The following SH3GL2 variants were observed in gnomAD, a reference collection of about 807,000 sequenced individuals.
SH3GL2 encodes the protein SH3 domain containing GRB2 like 2, endophilin A1.
Under a neutral mutation model 46.0 loss-of-function variants are expected in SH3GL2, and 24 were observed. The observed-to-expected ratio is 0.52, with a 90% CI of 0.38 to 0.73. The LOEUF (loss-of-function observed/expected upper bound fraction) is 0.73, where lower values mean the gene tolerates loss of function less well. Among genes scored for constraint, SH3GL2 ranks in the 30% least tolerant of loss-of-function variants. SH3GL2 has a pLI of 0.00. For synonymous variants in SH3GL2, 196 were observed against 147.1 expected (o/e 1.33, Z -2.40); for missense variants, 413 against 424.2 (o/e 0.97, Z 0.23).
At position 17,605,249 on chromosome 9, in the gene SH3GL2, C is replaced by T. The variant is rs10963159; in HGVS notation, c.45+25962C>T. On this transcript the variant is annotated intron_variant, in intron 1 of 8. Transcript: ENST00000380607. ...TTGTCTTGGCCTCCCAAACTACTGGCATTACAGACAAGAGCTACTGCAGTA... is the reference window on the plus strand; with the variant it reads ...TTGTCTTGGCCTCCCAAACTACTGGTATTACAGACAAGAGCTACTGCAGTA... Among the ~76,000 whole-genome samples, 1,359 of 152,152 alleles carry T rather than the reference C, an allele frequency of 8.9e-3. 41 individuals are homozygous for T. The East Asian group carries it at 0.11, about 12-fold the overall frequency.
chr9:17,666,456 A>G (rs552914496), intron 1 of SH3GL2, among the ~76,000 whole-genome samples: 3 of 151,538 alleles, frequency 2.0e-5, no homozygotes, highest in African/African-American at 7.3e-5. Flanking sequence ...TGGTATCATT[A>G]GTTTTTGGTT....
intron 1 of SH3GL2, among the ~76,000 whole-genome samples, chr9:17,719,371 C>T (rs764662598): frequency 6.6e-6 from 1 of 152,080 alleles, no homozygotes; most frequent in Non-Finnish European, 1.5e-5. Context: ...TAATTCCAGT[C>T]AATGTTTTCA....
intron 1 of SH3GL2, among the ~76,000 whole-genome samples, chr9:17,614,325 C>CAAA (rs1818939126): frequency 1.8e-5 from 1 of 57,134 alleles, no homozygotes; most frequent in African/African-American, 4.8e-5. Context: ...AAAAAAAAAT[C>CAAA]CTTGCCCCTT....
At chr9:17,586,100 A>G (rs1818373293) in intron 1 of SH3GL2, among the ~76,000 whole-genome samples, 1 of 152,194 alleles carries the variant, frequency 6.6e-6, no homozygotes, top group African/African-American at 2.4e-5. Flanking sequence ...TTCATGCTAT[A>G]CTAAATCATT....
At chr9:17,760,378 T>C (rs1823135546) in intron 2 of SH3GL2, among the ~76,000 whole-genome samples, 1 of 152,072 alleles carries the variant, frequency 6.6e-6, no homozygotes, top group Admixed American at 6.6e-5. Context: ...GTGTGGATTA[T>C]GGAAAAGGAG....
At chr9:17,742,999 C>G (rs775255078) in intron 1 of SH3GL2, among the ~76,000 whole-genome samples, 1 of 152,100 alleles carries the variant, frequency 6.6e-6, no homozygotes, top group Non-Finnish European at 1.5e-5. Context: ...ACATTCAGTA[C>G]TGTGAAGTGT....
At chr9:17,676,488 C>T (rs1820613682) in intron 1 of SH3GL2, among the ~76,000 whole-genome samples, 1 of 152,134 alleles carries the variant, frequency 6.6e-6, no homozygotes, top group South Asian at 2.1e-4. Flanking sequence ...CACCTGTAAT[C>T]CCAGCTACTC....
At chr9:17,754,241 T>G (rs1262137428) in intron 2 of SH3GL2, among the ~76,000 whole-genome samples, 1 of 152,218 alleles carries the variant, frequency 6.6e-6, no homozygotes, top group Non-Finnish European at 1.5e-5. Flanking sequence ...CTAATAGGAA[T>G]AGCATTGAAT....
chr9:17,745,111 C>G (rs1296697334), intron 1 of SH3GL2, among the ~76,000 whole-genome samples: 1 of 152,204 alleles, frequency 6.6e-6, no homozygotes, highest in African/African-American at 2.4e-5. Flanking sequence ...ATGCAACCCT[C>G]TCTTTTCTCA....
At chr9:17,672,014 T>G (rs1820487290) in intron 1 of SH3GL2, among the ~76,000 whole-genome samples, 8 of 152,188 alleles carry the variant, frequency 5.3e-5, no homozygotes. Flanking sequence ...CAACTAGCAG[T>G]TACCCACTGA....
chr9:17,784,915 T>C (rs1226251538), intron 3 of SH3GL2, among the ~76,000 whole-genome samples: 1 of 152,178 alleles, frequency 6.6e-6, no homozygotes, highest in African/African-American at 2.4e-5. Flanking sequence ...GGTCTTGCTA[T>C]GTTGCCTTGC....
Position 17,586,659 on chromosome 9 carries a change from A to G in SH3GL2, c.45+7372A>G, listed in dbSNP as rs140082250. 1.1e-3 allele frequency among the ~76,000 whole-genome samples: 172 copies of G among 152,302 alleles called. 1 individual carries two copies. The highest frequency in any genetic ancestry group is 3.9e-3 in the African/African-American group (163 of 41,572). On this transcript the variant is annotated intron_variant, in intron 1 of 8. Coordinates refer to ENST00000380607, the MANE Select transcript of SH3GL2 (RefSeq NM_003026.5). ...TGTCCTTCACATGACGGCAGCAAGGAGAAGTACAGAGCAAAGTGGGGTAAA... is the reference window on the plus strand; with the variant it reads ...TGTCCTTCACATGACGGCAGCAAGGGGAAGTACAGAGCAAAGTGGGGTAAA...
intron 1 of SH3GL2, among the ~76,000 whole-genome samples, chr9:17,639,626 C>T (rs986870767): frequency 2.6e-5 from 4 of 152,050 alleles, no homozygotes; most frequent in African/African-American, 7.2e-5. Flanking sequence ...ATAAAATTGC[C>T]GTATAATTCA....
intron 3 of SH3GL2, among the ~76,000 whole-genome samples, chr9:17,773,855 G>A (rs1307634977): frequency 1.3e-5 from 2 of 151,964 alleles, no homozygotes; most frequent in East Asian, 3.9e-4. Context: ...ACTTTGATAG[G>A]GATTGCATTG....
At chr9:17,614,520 A>C (rs1818942744) in intron 1 of SH3GL2, among the ~76,000 whole-genome samples, 1 of 151,902 alleles carries the variant, frequency 6.6e-6, no homozygotes, top group Admixed American at 6.6e-5. Context: ...CAGCGTAGCT[A>C]TTTTCTGTCA....
At chr9:17,617,437 A>G (rs1819029796) in intron 1 of SH3GL2, among the ~76,000 whole-genome samples, 1 of 152,196 alleles carries the variant, frequency 6.6e-6, no homozygotes, top group Non-Finnish European at 1.5e-5. Context: ...ATGGGATTTC[A>G]TGGCCAAATA....
chr9:17,622,981 CTTTCG>C lies in SH3GL2; in HGVS notation c.45+43699_45+43703del, dbSNP rs201159835. ...CCTCCCTCCCTTTTCCTTTCGTTTC[CTTTCG>C]TTTCCTTTCCTTTCCTTTCCTTTCC... On this transcript the variant is annotated intron_variant, in intron 1 of 8. Transcript: ENST00000380607. 3.2e-3 allele frequency among the ~76,000 whole-genome samples: 254 copies of C among 79,388 alleles called. 3 individuals are homozygous for C. The highest frequency in any genetic ancestry group is 0.012 in the African/African-American group (227 of 19,664). The allele number at this position is 79,388 out of a possible 152,430, so 52.1% of individuals were successfully genotyped here.
intron 1 of SH3GL2, among the ~76,000 whole-genome samples, chr9:17,631,126 A>G (rs1249327122): frequency 6.6e-6 from 1 of 152,214 alleles, no homozygotes; most frequent in Non-Finnish European, 1.5e-5. Flanking sequence ...GATGCTATAG[A>G]GGAAAAAACC....
chr9:17,581,246 A>ATG (rs375802323), intron 1 of SH3GL2, among the ~76,000 whole-genome samples: 1 of 152,012 alleles, frequency 6.6e-6, no homozygotes, highest in African/African-American at 2.4e-5. Context: ...GTGTCGCCCT[A>ATG]AAGTGTAGAA....
Sources: allele counts gnomAD v4.1 joint callset (sites outside exome capture counted in the v4.1 genomes callset), GRCh38; gene constraint gnomAD v4.1.1; transcripts MANE v1.5; gene names NCBI Gene and HGNC (gene_info 2026-07-23, HGNC 2026-07-21).